LRRC7: variants seen among roughly 807,000 people sequenced by gnomAD.
The protein encoded by LRRC7 is leucine-rich repeat-containing protein 7.
In LRRC7, 23 loss-of-function variants were observed where a neutral mutation model predicts 175.7. The ratio of observed to expected loss-of-function variants is 0.13; its 90% CI spans 0.09 to 0.19. The LOEUF (loss-of-function observed/expected upper bound fraction) is 0.19. Among genes scored for constraint, LRRC7 ranks in the 10% least tolerant of loss-of-function variants. The pLI, the probability that LRRC7 is intolerant of heterozygous loss-of-function variation, is 1.00. For synonymous variants in LRRC7, 685 were observed against 680.9 expected, an observed-to-expected ratio of 1.01 and a Z score of -0.09; for missense variants, 1,354 against 1,904.7, an observed-to-expected ratio of 0.71 and a Z score of 5.38.
At chr1:69,997,612 G>C (rs1263721322) in intron 11 of LRRC7, among the ~76,000 whole-genome samples, 5 of 147,944 alleles carry the variant, frequency 3.4e-5, no homozygotes, top group Admixed American at 6.8e-5. Flanking sequence ...TAGCATGAAG[G>C]GTTGTTGAAT....
At chr1:69,640,714 C>CT (rs1451997535) in intron 1 of LRRC7, among the ~76,000 whole-genome samples, 1 of 150,824 alleles carries the variant, frequency 6.6e-6, no homozygotes, top group Non-Finnish European at 1.5e-5. Flanking sequence ...AAATGAATCA[C>CT]AAATAGTTCC....
chr1:69,961,744 C>T (rs1203533597), intron 8 of LRRC7, among the ~76,000 whole-genome samples: 1 of 152,166 alleles, frequency 6.6e-6, no homozygotes, highest in African/African-American at 2.4e-5. Flanking sequence ...AAAGGATTCC[C>T]TGTTTAATAA....
At chr1:69,916,476 T>C (rs1175804461) in intron 7 of LRRC7, among the ~76,000 whole-genome samples, 3 of 151,520 alleles carry the variant, frequency 2.0e-5, no homozygotes, top group Non-Finnish European at 4.4e-5. Context: ...CACTTTGCCT[T>C]ATCTGCCTTT....
chr1:69,883,520 T>C lies in LRRC7; in HGVS notation c.647+45237T>C, dbSNP rs1570485617. 2.0e-5 allele frequency among the ~76,000 whole-genome samples: 2 copies of C among 101,364 alleles called. 1 individual carries two copies. The allele number at this position is 101,364 out of a possible 152,430, so 66.5% of individuals were successfully genotyped here. On this transcript the variant is annotated intron_variant, in intron 7 of 26. Transcript: ENST00000651989. ...TTGTAGATTCTGGATATTAGCTCTT[T>C]GTCAGATGAGTAGGTTGTGAAAATT...
chr1:70,085,872 C>T (rs952800357), intron 24 of LRRC7, among the ~76,000 whole-genome samples: 3 of 152,020 alleles, frequency 2.0e-5, no homozygotes, highest in African/African-American at 7.2e-5. Context: ...TTTTATCTGC[C>T]TGGTACTTAG....
At position 69,610,413 on chromosome 1, in the gene LRRC7, T is replaced by C. The variant is rs568935557; in HGVS notation, c.2+41772T>C. On this transcript the variant is annotated intron_variant, in intron 1 of 26. Coordinates refer to ENST00000651989, the MANE Select transcript of LRRC7 (RefSeq NM_001370785.2). ...ATTTTCAGTGAGACAAGATTGGTCA[T>C]TGGGTTCAGGCACATGTCCTTTAGT... Among the ~76,000 whole-genome samples the C allele has an allele frequency of 2.3e-3, 344 of 152,154 alleles. 1 individual carries two copies. Among genetic ancestry groups the C allele is most frequent in the African/African-American group, 8.0e-3 (333 of 41,572 alleles).
At chr1:70,067,630 A>T (rs2102103788) in intron 23 of LRRC7, among the ~76,000 whole-genome samples, 1 of 152,188 alleles carries the variant, frequency 6.6e-6, no homozygotes, top group East Asian at 1.9e-4. Flanking sequence ...GTCTTTCTGA[A>T]TTTTAGGATA....
At chr1:70,043,767 G>A (rs1660110751) in intron 21 of LRRC7, among the ~76,000 whole-genome samples, 187 bp from the exon 22 acceptor site, 1 of 152,096 alleles carries the variant, frequency 6.6e-6, no homozygotes, top group Admixed American at 6.6e-5. Flanking sequence ...GTTTTGGATG[G>A]TACTCATTAT....
At chr1:69,740,904 C>T (rs932865489) in intron 2 of LRRC7, among the ~76,000 whole-genome samples, 1 of 151,930 alleles carries the variant, frequency 6.6e-6, no homozygotes, top group African/African-American at 2.4e-5. Context: ...ATAACAACAG[C>T]TAATACCCTA....
At chr1:69,596,814 A>G (rs1646864068) in intron 1 of LRRC7, among the ~76,000 whole-genome samples, 1 of 152,160 alleles carries the variant, frequency 6.6e-6, no homozygotes, top group Non-Finnish European at 1.5e-5. Context: ...TGGACTTTAG[A>G]TTCATTGTGC....
chr1:70,085,864 T>G (rs1403093267), intron 24 of LRRC7, among the ~76,000 whole-genome samples: 1 of 152,200 alleles, frequency 6.6e-6, no homozygotes, highest in Middle Eastern at 3.2e-3. Context: ...AAGGATATTT[T>G]TATCTGCCTG....
At chr1:69,811,280 G>GA (rs1231596896) in intron 4 of LRRC7, among the ~76,000 whole-genome samples, 1 of 152,148 alleles carries the variant, frequency 6.6e-6, no homozygotes, top group East Asian at 1.9e-4. Flanking sequence ...ACAGATGCTG[G>GA]AAAAGATGTG....
intron 3 of LRRC7, 29 bp downstream of exon 3, chr1:69,760,422 T>C (rs762023586): frequency 3.2e-6 from 5 of 1,550,372 alleles, no homozygotes; most frequent in Admixed American, 1.7e-5. Flanking sequence ...AAATATACAA[T>C]GTAAATGAGT....
At chr1:69,589,572 A>G (rs1328559145) in intron 1 of LRRC7, among the ~76,000 whole-genome samples, 3 of 152,146 alleles carry the variant, frequency 2.0e-5, no homozygotes, top group African/African-American at 4.8e-5. Context: ...AGAGGTTTGT[A>G]GACTTCCAGG....
intron 3 of LRRC7, among the ~76,000 whole-genome samples, chr1:69,781,966 AAAAG>A (rs751498242): frequency 3.2e-4 from 47 of 148,624 alleles, no homozygotes; most frequent in African/African-American, 6.2e-4. Flanking sequence ...GAAAGAAAGA[AAAAG>A]AAAGAAAGAG....
intron 3 of LRRC7, among the ~76,000 whole-genome samples, chr1:69,778,195 C>T (rs573224080): frequency 6.6e-5 from 10 of 152,172 alleles, no homozygotes; most frequent in Non-Finnish European, 1.0e-4. Flanking sequence ...GTTCCACTCT[C>T]CTCTGTGCCT....
Position 70,124,383 on chromosome 1 carries a change from A to G in LRRC7, c.*2496A>G, listed in dbSNP as rs565952530. 4.6e-5 allele frequency among the ~76,000 whole-genome samples: 7 copies of G among 152,288 alleles called. No individual in the cohort carries two copies. The South Asian group carries it at 1.5e-3, about 32-fold the overall frequency. ...CTAAAAATACAAAAATTAGCTGAGC[A>G]TGGTGGCGGGCACCTATAATCCCAG... On this transcript the variant is annotated 3_prime_UTR_variant, in exon 27 of 27. Transcript: ENST00000651989.
intron 25 of LRRC7, among the ~76,000 whole-genome samples, chr1:70,093,772 T>C (rs1390459541): frequency 6.6e-6 from 1 of 152,186 alleles, no homozygotes; most frequent in Non-Finnish European, 1.5e-5. Context: ...GTGGTGATTC[T>C]GCCAATGGAG....
chr1:70,049,597 A>T (rs1660597546), intron 22 of LRRC7, among the ~76,000 whole-genome samples: 1 of 152,136 alleles, frequency 6.6e-6, no homozygotes, highest in Non-Finnish European at 1.5e-5. Context: ...ATTCTTATAG[A>T]CAGTGACTAA....
Sources: allele counts gnomAD v4.1 joint callset (sites outside exome capture counted in the v4.1 genomes callset), GRCh38; gene constraint gnomAD v4.1.1; transcripts MANE v1.5; gene names NCBI Gene and HGNC (gene_info 2026-07-23, HGNC 2026-07-21).